Variants in PKNOX2 observed in about 807,000 individuals in gnomAD.
PKNOX2 encodes the protein homeobox protein PKNOX2.
A neutral mutation model predicts 53.1 loss-of-function variants in PKNOX2; 14 were observed. The ratio of observed to expected loss-of-function variants is 0.26; its 90% CI spans 0.17 to 0.41. The LOEUF (loss-of-function observed/expected upper bound fraction) is 0.41. Ranked by LOEUF, PKNOX2 falls within the 10% of genes least tolerant of loss-of-function variation. PKNOX2 has a pLI of 1.00. For synonymous variants in PKNOX2, 257 were observed against 242.8 expected, an observed-to-expected ratio of 1.06 and a Z score of -0.54; for missense variants, 496 against 602.8, an observed-to-expected ratio of 0.82 and a Z score of 1.85.
At chr11:125,239,277 C>T (rs2135589963) in intron 2 of PKNOX2, among the ~76,000 whole-genome samples, 1 of 152,318 alleles carries the variant, frequency 6.6e-6, no homozygotes, top group Non-Finnish European at 1.5e-5. Flanking sequence ...AGGCAAAACA[C>T]TAGCCAGGTA....
At chr11:125,250,172 T>C (rs1272908781) in intron 2 of PKNOX2, among the ~76,000 whole-genome samples, 1 of 146,676 alleles carries the variant, frequency 6.8e-6, no homozygotes, top group East Asian at 2.0e-4. Context: ...CACCTCAACC[T>C]CCTGAGTAGC....
chr11:125,361,521 A>G (rs773991229), intron 4 of PKNOX2, among the ~76,000 whole-genome samples: 5 of 152,210 alleles, frequency 3.3e-5, no homozygotes, highest in Admixed American at 1.3e-4. Flanking sequence ...GCTCTCCCCA[A>G]TGCCAACCAT....
intron 5 of PKNOX2, among the ~76,000 whole-genome samples, chr11:125,379,047 T>A (rs934312322): frequency 1.4e-5 from 2 of 139,636 alleles, no homozygotes; most frequent in African/African-American, 5.6e-5. Context: ...TACCTTTTTT[T>A]TCTTTCTCTT....
At chr11:125,228,636 C>A (rs1045192087) in intron 1 of PKNOX2, among the ~76,000 whole-genome samples, 1 of 152,070 alleles carries the variant, frequency 6.6e-6, no homozygotes, top group Non-Finnish European at 1.5e-5. Flanking sequence ...TCATGTGAGC[C>A]GGAGTGGTAT....
At chr11:125,363,049 A>G (rs901361417) in intron 4 of PKNOX2, among the ~76,000 whole-genome samples, 2 of 152,234 alleles carry the variant, frequency 1.3e-5, no homozygotes, top group Non-Finnish European at 2.9e-5. Context: ...TAGATGGCAG[A>G]CAGAAGTCCA....
intron 2 of PKNOX2, among the ~76,000 whole-genome samples, chr11:125,278,118 C>A (rs973942647): frequency 1.3e-5 from 2 of 151,168 alleles, no homozygotes; most frequent in African/African-American, 4.9e-5. Flanking sequence ...ACTCAGGAGG[C>A]TGAGGTGGGA....
chr11:125,170,089 G>T (rs540666465), intron 1 of PKNOX2, among the ~76,000 whole-genome samples: 5 of 152,200 alleles, frequency 3.3e-5, no homozygotes. Flanking sequence ...CGGCTGAGGG[G>T]GTTGGGTGCT....
At chr11:125,354,542 C>T (rs549293986) in intron 4 of PKNOX2, among the ~76,000 whole-genome samples, 6 of 152,258 alleles carry the variant, frequency 3.9e-5, no homozygotes, top group South Asian at 2.1e-4. Flanking sequence ...GAGACCCATG[C>T]GATCGTTTTA....
intron 5 of PKNOX2, among the ~76,000 whole-genome samples, chr11:125,376,299 G>A (rs554111212): frequency 6.6e-6 from 1 of 152,146 alleles, no homozygotes; most frequent in South Asian, 2.1e-4. Flanking sequence ...CCGCCCACTG[G>A]GCAGGACTAA....
intron 3 of PKNOX2, among the ~76,000 whole-genome samples, chr11:125,334,285 C>T (rs1188987491): frequency 1.3e-5 from 2 of 152,188 alleles, no homozygotes; most frequent in African/African-American, 4.8e-5. Context: ...TGGGGATTTT[C>T]AAAGTCCTGT....
At chr11:125,415,370 C>T (rs368849392) in intron 10 of PKNOX2, among the ~76,000 whole-genome samples, 1 of 151,454 alleles carries the variant, frequency 6.6e-6, no homozygotes, top group African/African-American at 2.4e-5. Flanking sequence ...CCTGCCTCAG[C>T]TTCCCATGTA....
intron 2 of PKNOX2, among the ~76,000 whole-genome samples, chr11:125,314,723 C>G (rs1352280785): frequency 6.6e-6 from 1 of 152,174 alleles, no homozygotes; most frequent in Admixed American, 6.5e-5. Flanking sequence ...ACTGCTTCCC[C>G]AGCCCTGCCC....
intron 2 of PKNOX2, among the ~76,000 whole-genome samples, chr11:125,319,586 T>G (rs1002549307): frequency 7.7e-4 from 117 of 152,220 alleles, no homozygotes; most frequent in African/African-American, 2.8e-3. Context: ...TGGACTCTTG[T>G]CCACATGGAG....
In PKNOX2 at chr11:125,219,508, T is replaced by A. The variant is rs545498896; in HGVS notation, c.-200-15537T>A. Among the ~76,000 whole-genome samples the A allele has an allele frequency of 1.7e-4, 25 of 151,296 alleles. 1 individual carries two copies. The East Asian group carries it at 4.8e-3, about 29-fold the overall frequency. On this transcript the variant is annotated intron_variant, in intron 1 of 12. Coordinates refer to ENST00000298282, the MANE Select transcript of PKNOX2 (RefSeq NM_001382323.2). The stretch of plus-strand genomic sequence containing the variant: ...CCTGTGGAAAAATTTTTACAACTCA[T>A]ATCACAGGGCTACTCTCCCTAATAT...
chr11:125,337,453 C>T (rs922708138), intron 3 of PKNOX2, among the ~76,000 whole-genome samples: 5 of 152,196 alleles, frequency 3.3e-5, no homozygotes, highest in Non-Finnish European at 5.9e-5. Flanking sequence ...AATCGGACTG[C>T]GCTCAGAATC....
At chr11:125,385,325 T>A (rs1462140846) in intron 5 of PKNOX2, among the ~76,000 whole-genome samples, 4 of 152,114 alleles carry the variant, frequency 2.6e-5, no homozygotes, top group Admixed American at 1.3e-4. Context: ...GACCAGTGGG[T>A]AGGGACAGAA....
intron 1 of PKNOX2, among the ~76,000 whole-genome samples, chr11:125,234,627 A>C (rs1326437636): frequency 3.9e-5 from 6 of 152,114 alleles, no homozygotes; most frequent in Non-Finnish European, 1.5e-5. Context: ...TAGATTGCAA[A>C]GTTTCATAGG....
intron 3 of PKNOX2, among the ~76,000 whole-genome samples, chr11:125,332,959 G>A (rs1311828837): frequency 1.3e-5 from 2 of 152,180 alleles, no homozygotes; most frequent in African/African-American, 2.4e-5. Flanking sequence ...GTACAATGAG[G>A]GGTGGGTGGC....
chr11:125,275,089 G>A (rs1946068025), intron 2 of PKNOX2, among the ~76,000 whole-genome samples: 1 of 152,206 alleles, frequency 6.6e-6, no homozygotes, highest in South Asian at 2.1e-4. Context: ...TAAGTAGGGA[G>A]GAGTAGAATG....
Sources: allele counts gnomAD v4.1 joint callset (sites outside exome capture counted in the v4.1 genomes callset), GRCh38; gene constraint gnomAD v4.1.1; transcripts MANE v1.5; gene names NCBI Gene and HGNC (gene_info 2026-07-23, HGNC 2026-07-21).